The following KIF26B variants were observed in gnomAD, a reference collection of about 807,000 sequenced individuals.
KIF26B encodes kinesin family member 26B.
A neutral mutation model predicts 151.2 loss-of-function variants in KIF26B; 63 were observed. The observed-to-expected ratio is 0.42, with a 90% confidence interval of 0.34 to 0.51. The LOEUF is 0.51. KIF26B is among the 20% of genes least tolerant of loss of function. KIF26B has a pLI of 0.07. For missense variants in KIF26B, 2,813 were observed against 2,913.6 expected, an observed-to-expected ratio of 0.97 and a Z score of 0.79; for synonymous variants, 1,357 against 1,262.1, an observed-to-expected ratio of 1.08 and a Z score of -1.59.
chr1:245,524,607 C>A (rs556432146), intron 4 of KIF26B, among the ~76,000 whole-genome samples: 1 of 152,182 alleles, frequency 6.6e-6, no homozygotes, highest in African/African-American at 2.4e-5. Flanking sequence ...AGGATATCTT[C>A]TTTAATTTTA....
intron 2 of KIF26B, among the ~76,000 whole-genome samples, chr1:245,366,372 AG>A (rs1473316291): frequency 1.3e-5 from 2 of 152,116 alleles, no homozygotes; most frequent in African/African-American, 2.4e-5. Context: ...CTCTACTAAA[AG>A]TACAAAAAAT....
chr1:245,353,709 TC>T (rs1672619924), intron 2 of KIF26B: 1 of 151,684 alleles, frequency 6.6e-6, no homozygotes, highest in Non-Finnish European at 1.5e-5. Context: ...CCTCCCGCCC[TC>T]CCCACCACCA....
chr1:245,158,183 A>G (rs976477005), intron 2 of KIF26B, among the ~76,000 whole-genome samples: 1 of 152,158 alleles, frequency 6.6e-6, no homozygotes, highest in Admixed American at 6.5e-5. Flanking sequence ...AGCCTACCAA[A>G]TTATTTTAGA....
At position 245,686,955 on chromosome 1, in the gene KIF26B, C is replaced by G; in HGVS notation, c.3972C>G (p.Asn1324Lys). The change falls in exon 12 of 15, where the codon AAC becomes AAG. Residue 1324 changes from asparagine (N) to lysine (K), a missense_variant. Asn to Lys is a moderately conservative substitution (Grantham distance 94, BLOSUM62 0). This residue lies in a region of KIF26B where 2,060 missense variants were observed against 2,088.6 expected (regional missense o/e 0.99). Transcript: ENST00000407071. The surrounding 1 kb of genome is among the most constrained non-coding windows in gnomAD (Gnocchi z 5.6). ...CGGAGTTTGTCAGCAGCCTCCAGAA[C>G]ACCGCTGTGGTGTGCAGAGAGAAGC... is the stretch of plus-strand genomic sequence containing the variant. Reference protein sequence around the residue: ...VASEFVSSLQNTAVVCREKPK... With the variant: ...VASEFVSSLQKTAVVCREKPK... 6.2e-7 allele frequency: 1 copy of G among 1,613,542 alleles called. No individual in the cohort carries two copies. The highest frequency in any genetic ancestry group is 1.3e-5 in the African/African-American group (1 of 75,040).
At chr1:245,600,426 G>A (rs1331942557) in intron 5 of KIF26B, among the ~76,000 whole-genome samples, 1 of 151,450 alleles carries the variant, frequency 6.6e-6, no homozygotes, top group Admixed American at 6.6e-5. Flanking sequence ...TTGAACTCCT[G>A]AGCTCAAGTG....
intron 5 of KIF26B, among the ~76,000 whole-genome samples, chr1:245,548,822 C>T (rs1301390683): frequency 6.6e-6 from 1 of 151,626 alleles, no homozygotes; most frequent in Admixed American, 6.6e-5. Context: ...CAGCTCACTG[C>T]AACCTCCGCC....
Position 245,685,610 on chromosome 1 carries a change from C to A in KIF26B, c.2627C>A (p.Ser876Tyr). ...IYIGPNGTALSDKELTDNEGP... is the reference protein window; with the variant it reads ...IYIGPNGTALYDKELTDNEGP... ...ATCGGGCCCAACGGCACGGCCCTCT[C>A]TGACAAGGAGCTCACCGACAACGAG... Residue 876 changes from serine to tyrosine, a missense_variant, in exon 12 of 15, where the codon TCT becomes TAT. Physicochemically the swap from Ser to Tyr is moderately radical, Grantham distance 144. Transcript: ENST00000407071. 6.2e-7 allele frequency: 1 copy of A among 1,613,778 alleles called. No homozygotes were observed. The highest frequency in any genetic ancestry group is 8.5e-7 in the Non-Finnish European group (1 of 1,179,880).
chr1:245,389,414 A>G (rs1291662639), intron 3 of KIF26B, among the ~76,000 whole-genome samples: 1 of 149,692 alleles, frequency 6.7e-6, no homozygotes, highest in Non-Finnish European at 1.5e-5. Flanking sequence ...CTCCTGGCCA[A>G]AAAAAAAAAG....
At chr1:245,338,094 T>C (rs1672270331) in intron 2 of KIF26B, among the ~76,000 whole-genome samples, 1 of 152,214 alleles carries the variant, frequency 6.6e-6, no homozygotes, top group Non-Finnish European at 1.5e-5. Context: ...AACTATGTCA[T>C]GCGGCATGGA....
At chr1:245,672,532 C>G (rs115851699) in intron 10 of KIF26B, among the ~76,000 whole-genome samples, 324 of 152,330 alleles carry the variant, frequency 2.1e-3, no homozygotes, top group African/African-American at 7.5e-3. Context: ...CCCTGTAACA[C>G]AAGGCGTGCC....
intron 4 of KIF26B, among the ~76,000 whole-genome samples, chr1:245,443,144 T>G (rs536046379): frequency 7.0e-6 from 1 of 143,438 alleles, no homozygotes; most frequent in African/African-American, 2.6e-5. Context: ...CCTAGAGCTG[T>G]CATCTCCCTC....
chr1:245,507,583 G>A (rs1177820951), intron 4 of KIF26B, among the ~76,000 whole-genome samples: 2 of 152,208 alleles, frequency 1.3e-5, no homozygotes, highest in Non-Finnish European at 2.9e-5. Context: ...GAAGCTGTCA[G>A]CTGGAAGCCA....
chr1:245,181,065 A>G (rs979663856), intron 2 of KIF26B, among the ~76,000 whole-genome samples: 23 of 152,190 alleles, frequency 1.5e-4, no homozygotes, highest in African/African-American at 5.3e-4. Context: ...GTTGTGCCAG[A>G]GAGGAATTTG....
intron 3 of KIF26B, among the ~76,000 whole-genome samples, chr1:245,388,898 C>G (rs1673619999): frequency 6.6e-6 from 1 of 152,204 alleles, no homozygotes; most frequent in Admixed American, 6.5e-5. Context: ...TGAAGCCAGT[C>G]TCCTGTAATT....
chr1:245,184,205 A>G (rs567524120), intron 2 of KIF26B, among the ~76,000 whole-genome samples: 148 of 151,730 alleles, frequency 9.8e-4, no homozygotes, highest in African/African-American at 3.3e-3. Flanking sequence ...GGTAGAAGTC[A>G]CTGGATGGAA....
At chr1:245,341,240 G>A (rs1340993017) in intron 2 of KIF26B, among the ~76,000 whole-genome samples, 1 of 148,530 alleles carries the variant, frequency 6.7e-6, no homozygotes, top group South Asian at 2.2e-4. Flanking sequence ...GTCTTCTTCA[G>A]TCTGTTTCTG....
Position 245,565,151 on chromosome 1 carries a change from A to T in KIF26B, c.1350+24201A>T, listed in dbSNP as rs190569278. On this transcript the variant is annotated intron_variant, in intron 5 of 14. Coordinates refer to ENST00000407071, the MANE Select transcript of KIF26B (RefSeq NM_018012.4). ...CTCTCTATAAAAAATTTTTTTAAAG[A>T]GTAAAATTTGTATAGTTTTTGGGAA... 3.3e-5 allele frequency among the ~76,000 whole-genome samples: 5 copies of T among 152,324 alleles called. No homozygotes were observed. In the East Asian group the frequency reaches 9.6e-4, roughly 29 times the overall value.
chr1:245,511,218 G>T lies in KIF26B; in HGVS notation c.1167-29549G>T. On this transcript the variant is annotated intron_variant, in intron 4 of 14. Transcript: ENST00000407071. The stretch of plus-strand genomic sequence containing the variant: ...ACTTTAACTTTTTCAGTTTCCTTTT[G>T]AGAAAAGTAAAAATAAAATGCATAA... 7 of 682,336 alleles carry T rather than the reference G, an allele frequency of 1.0e-5. No individual in the cohort carries two copies. In the Middle Eastern group the frequency reaches 1.7e-3, roughly 167 times the overall value. 42.3% of individuals were successfully genotyped at this position (682,336 alleles called of 1,614,324 possible).
chr1:245,567,211 G>A lies in KIF26B; in HGVS notation c.1350+26261G>A, dbSNP rs113934048. The stretch of plus-strand genomic sequence containing the variant: ...AAAAGCCAGCAATTAATATTTCCCC[G>A]GAGAGATTCCAGATGCTGCCGGGTG... On this transcript the variant is annotated intron_variant, in intron 5 of 14. Transcript: ENST00000407071. Among the ~76,000 whole-genome samples the A allele has an allele frequency of 5.3e-3, 814 of 152,274 alleles. 12 individuals are homozygous for A. The highest frequency in any genetic ancestry group is 0.022 in the South Asian group (107 of 4,816).
Sources: gnomAD v4.1 joint callset for allele counts (sites outside exome capture counted in the v4.1 genomes callset) on GRCh38, gnomAD v4.1.1 for gene constraint, gnomAD v4.1.1 regional missense constraint, Gnocchi (gnomAD v3.1) non-coding constraint, MANE v1.5 for transcripts, NCBI Gene and HGNC (gene_info 2026-07-23, HGNC 2026-07-21) for gene names.